CMSS1: variants seen among roughly 807,000 people sequenced by gnomAD.
The protein encoded by CMSS1 is cms1 ribosomal small subunit homolog, also known as protein CMSS1.
A neutral mutation model predicts 43.5 loss-of-function variants in CMSS1; 33 were observed. That is an observed-to-expected ratio of 0.76 (90% CI 0.57 to 1.01). The LOEUF (loss-of-function observed/expected upper bound fraction) is 1.01. CMSS1 is among the 50% of genes least tolerant of loss of function. CMSS1 has a pLI of 0.00. For synonymous variants in CMSS1, 115 were observed against 117.2 expected, an observed-to-expected ratio of 0.98 and a Z score of 0.12; for missense variants, 313 against 326.4, an observed-to-expected ratio of 0.96 and a Z score of 0.32.
chr3:100,134,527 A>G (rs1015499121), intron 1 of CMSS1, among the ~76,000 whole-genome samples: 4 of 152,214 alleles, frequency 2.6e-5, no homozygotes, highest in Non-Finnish European at 5.9e-5. Flanking sequence ...AGTAATCCAT[A>G]TTAATATATT....
chr3:99,853,197 T>TA (rs947652735), intron 1 of CMSS1, among the ~76,000 whole-genome samples: 6 of 152,074 alleles, frequency 3.9e-5, no homozygotes, highest in Non-Finnish European at 5.9e-5. Flanking sequence ...GTGAAATAGT[T>TA]AAAAAAAACT....
At chr3:99,926,229 A>G (rs1707288967) in intron 1 of CMSS1, among the ~76,000 whole-genome samples, 1 of 152,262 alleles carries the variant, frequency 6.6e-6, no homozygotes, top group South Asian at 2.1e-4. Flanking sequence ...GAGGTGTCCC[A>G]GCATATAGAA....
At chr3:99,979,940 G>A (rs1042694364) in intron 1 of CMSS1, among the ~76,000 whole-genome samples, 2 of 151,854 alleles carry the variant, frequency 1.3e-5, no homozygotes, top group Non-Finnish European at 2.9e-5. Flanking sequence ...CTAATTTGTG[G>A]TTAAGGACAT....
chr3:99,948,397 G>A (rs1421976228), intron 1 of CMSS1, among the ~76,000 whole-genome samples: 3 of 151,936 alleles, frequency 2.0e-5, no homozygotes, highest in African/African-American at 7.3e-5. Context: ...AATTAGCTCG[G>A]TAGGGTGATG....
intron 1 of CMSS1, among the ~76,000 whole-genome samples, chr3:99,862,839 A>G (rs189024496): frequency 2.6e-5 from 4 of 152,182 alleles, no homozygotes; most frequent in Admixed American, 2.0e-4. Flanking sequence ...TCACAGATCT[A>G]CTCCACAGCT....
rs141658014 is a variant in CMSS1, at chr3:99,965,422, G to A, written c.64+147379G>A. Among the ~76,000 whole-genome samples the A allele has an allele frequency of 8.1e-4, 123 of 152,324 alleles. 2 individuals carry two copies. In the East Asian group the frequency reaches 0.022, roughly 27 times the overall value. ...TTCTGGCGTAGTGTACTCTGTGGAT[G>A]TACCAGCATGTTCTTCAAGGTCATG... On this transcript the variant is annotated intron_variant, in intron 1 of 9. Coordinates refer to ENST00000421999, the MANE Select transcript of CMSS1 (RefSeq NM_032359.4).
intron 1 of CMSS1, among the ~76,000 whole-genome samples, chr3:100,062,095 T>TC (rs1229174021): frequency 2.8e-4 from 7 of 25,264 alleles, no homozygotes; most frequent in East Asian, 1.3e-3. Flanking sequence ...GTCTTCTTCT[T>TC]TTTTTTTTTT....
intron 1 of CMSS1, among the ~76,000 whole-genome samples, chr3:99,937,234 A>AG (rs770437577): frequency 6.6e-6 from 1 of 152,128 alleles, no homozygotes; most frequent in Non-Finnish European, 1.5e-5. Context: ...CACCATGCCC[A>AG]GCCTAGCTTA....
chr3:100,143,262 T>A (rs2107509221), intron 1 of CMSS1, among the ~76,000 whole-genome samples: 1 of 152,328 alleles, frequency 6.6e-6, no homozygotes, highest in Non-Finnish European at 1.5e-5. Context: ...ATGCCTTTTA[T>A]TTCCTTTTCT....
rs530781442 is a variant in CMSS1, at chr3:100,052,965, C to T, written c.65-94008C>T. Among the ~76,000 whole-genome samples the T allele has an allele frequency of 3.3e-5, 5 of 152,174 alleles. No homozygotes were observed. The South Asian group carries it at 1.0e-3, about 32-fold the overall frequency. ...CTAAATAAGATGAAATTTAGTTCATCCCTGGGATAAATGCTCTGTATATCA... is the reference window on the plus strand; with the variant it reads ...CTAAATAAGATGAAATTTAGTTCATTCCTGGGATAAATGCTCTGTATATCA... On this transcript the variant is annotated intron_variant, in intron 1 of 9. Transcript: ENST00000421999.
intron 5 of CMSS1, among the ~76,000 whole-genome samples, chr3:100,167,395 A>G (rs1325793579): frequency 6.6e-6 from 1 of 152,232 alleles, no homozygotes; most frequent in Non-Finnish European, 1.5e-5. Flanking sequence ...AAAATTTAAC[A>G]TGATTGAATC....
intron 1 of CMSS1, chr3:100,011,586 G>C (rs1276690031): frequency 6.6e-6 from 1 of 152,120 alleles, no homozygotes; most frequent in African/African-American, 2.4e-5. Flanking sequence ...AGCACTTATT[G>C]TTGCTGATTG....
chr3:99,924,668 G>C (rs889153302), intron 1 of CMSS1, among the ~76,000 whole-genome samples: 2 of 152,216 alleles, frequency 1.3e-5, no homozygotes, highest in Admixed American at 6.5e-5. Flanking sequence ...ACAGGCATGC[G>C]CCACCATGCC....
At chr3:99,978,540 GGA>G (rs1424483841) in intron 1 of CMSS1, among the ~76,000 whole-genome samples, 4 of 152,160 alleles carry the variant, frequency 2.6e-5, no homozygotes, top group Non-Finnish European at 4.4e-5. Flanking sequence ...AGGCACAGAA[GGA>G]TGAACACACC....
rs573236717 is a variant in CMSS1, at chr3:100,179,846, A to G, written c.*1458A>G. The G allele has an allele frequency of 6.6e-6, 1 of 152,400 alleles. No individual in the cohort carries two copies. Among genetic ancestry groups the G allele is most frequent in the Non-Finnish European group, 1.5e-5 (1 of 68,076 alleles). 9.4% of individuals were successfully genotyped at this position (152,400 alleles called of 1,614,324 possible). Reference sequence around the variant, plus strand: ...CATTTCCCCTCTGCACTGCCCTAGTAGAGGCTCTCCATGAGGGCTTCACCC... The same window carrying G: ...CATTTCCCCTCTGCACTGCCCTAGTGGAGGCTCTCCATGAGGGCTTCACCC... On this transcript the variant is annotated 3_prime_UTR_variant, in exon 10 of 10. Coordinates refer to ENST00000421999, the MANE Select transcript of CMSS1 (RefSeq NM_032359.4).
intron 1 of CMSS1, among the ~76,000 whole-genome samples, chr3:99,972,268 A>G (rs993452786): frequency 3.9e-5 from 6 of 152,310 alleles, no homozygotes; most frequent in Non-Finnish European, 8.8e-5. Context: ...ACTTGACCCA[A>G]TAGAGTACCC....
chr3:100,085,972 T>G (rs2066002688), intron 1 of CMSS1, among the ~76,000 whole-genome samples: 1 of 152,218 alleles, frequency 6.6e-6, no homozygotes, highest in African/African-American at 2.4e-5. Flanking sequence ...GGTCATGAGT[T>G]TAGTCATTGG....
At chr3:99,952,283 A>G (rs1708200402) in intron 1 of CMSS1, among the ~76,000 whole-genome samples, 2 of 152,140 alleles carry the variant, frequency 1.3e-5, no homozygotes, top group African/African-American at 4.8e-5. Flanking sequence ...TTTCAATTGG[A>G]TTATTTTGGC....
intron 1 of CMSS1, among the ~76,000 whole-genome samples, chr3:99,853,653 T>C (rs1943814854): frequency 6.6e-6 from 1 of 152,226 alleles, no homozygotes; most frequent in Non-Finnish European, 1.5e-5. Context: ...TAAGCATCTT[T>C]TTCATGGTTT....
Sources: gnomAD v4.1 joint callset for allele counts (sites outside exome capture counted in the v4.1 genomes callset) on GRCh38, gnomAD v4.1.1 for gene constraint, MANE v1.5 for transcripts, NCBI Gene and HGNC (gene_info 2026-07-23, HGNC 2026-07-21) for gene names.